Variants in CDIN1 observed in about 807,000 individuals in gnomAD.
The protein encoded by CDIN1 is CDAN1 interacting nuclease 1, also known as CDAN1-interacting nuclease 1.
A neutral mutation model predicts 45.3 loss-of-function variants in CDIN1; 33 were observed. That is an observed-to-expected ratio of 0.73 (90% CI 0.55 to 0.97). The LOEUF is 0.97. Ranked by LOEUF, CDIN1 falls within the 50% of genes least tolerant of loss-of-function variation. CDIN1 has a pLI of 0.00. For missense variants in CDIN1, 303 were observed against 339.4 expected, an observed-to-expected ratio of 0.89 and a Z score of 0.84; for synonymous variants, 118 against 124.4, an observed-to-expected ratio of 0.95 and a Z score of 0.34.
In CDIN1 at chr15:36,685,873, C is replaced by T. The variant is rs555782283; in HGVS notation, c.347-5812C>T. Reference sequence around the variant, plus strand: ...AACCACAATGAGATACCATCTCACACCAGTTAGAATGGCAATCATTAAAAA... The same window carrying T: ...AACCACAATGAGATACCATCTCACATCAGTTAGAATGGCAATCATTAAAAA... On this transcript the variant is annotated intron_variant, in intron 5 of 10. Transcript: ENST00000566621. Among the ~76,000 whole-genome samples the T allele has an allele frequency of 2.7e-3, 407 of 152,208 alleles. 2 individuals are homozygous for T. Among genetic ancestry groups the T allele is most frequent in the African/African-American group, 9.0e-3 (372 of 41,522 alleles).
rs549789650 is a variant in CDIN1 at position 36,735,399 on chromosome 15, G to A, written c.716+25438G>A. 4.6e-5 allele frequency among the ~76,000 whole-genome samples: 7 copies of A among 152,066 alleles called. 1 individual carries two copies. The East Asian group carries it at 1.4e-3, about 30-fold the overall frequency. ...ATTTCTAATTGGTAGACTATACTAAGACATTTTAAGTAAGGATTTCCCTAT... is the reference window on the plus strand; with the variant it reads ...ATTTCTAATTGGTAGACTATACTAAAACATTTTAAGTAAGGATTTCCCTAT... On this transcript the variant is annotated intron_variant, in intron 10 of 10. Transcript: ENST00000566621.
At chr15:36,648,782 G>A (rs1487076576) in intron 3 of CDIN1, 2 of 152,112 alleles carry the variant, frequency 1.3e-5, no homozygotes, top group Middle Eastern at 3.2e-3. Context: ...TGATGCATGA[G>A]TCTGCTTTTG....
chr15:36,697,968 T>C (rs2042496446), intron 8 of CDIN1, among the ~76,000 whole-genome samples: 1 of 152,180 alleles, frequency 6.6e-6, no homozygotes, highest in Non-Finnish European at 1.5e-5. Context: ...ACTATACATA[T>C]AATAAGTGAT....
chr15:36,769,423 C>T (rs1461815967), intron 10 of CDIN1, among the ~76,000 whole-genome samples: 7 of 152,164 alleles, frequency 4.6e-5, no homozygotes, highest in Non-Finnish European at 1.0e-4. Context: ...AGGCAGAATT[C>T]CTTCTTTTCT....
chr15:36,607,804 A>T (rs1002848341), intron 1 of CDIN1, among the ~76,000 whole-genome samples: 16 of 152,146 alleles, frequency 1.1e-4, no homozygotes, highest in Non-Finnish European at 2.1e-4. Flanking sequence ...ACCATTATCT[A>T]ATTACAGAAT....
At chr15:36,672,314 T>C (rs938549058) in intron 5 of CDIN1, among the ~76,000 whole-genome samples, 1 of 152,106 alleles carries the variant, frequency 6.6e-6, no homozygotes, top group Non-Finnish European at 1.5e-5. Context: ...TTTTTTATTG[T>C]AACATCAAAG....
intron 5 of CDIN1, among the ~76,000 whole-genome samples, chr15:36,660,850 A>G (rs2040983924): frequency 1.3e-5 from 2 of 152,212 alleles, no homozygotes; most frequent in Non-Finnish European, 2.9e-5. Context: ...GATTATTACT[A>G]CATAAAGCTG....
intron 10 of CDIN1, chr15:36,747,059 A>G (rs1285533492): frequency 5.0e-6 from 2 of 397,138 alleles, no homozygotes; most frequent in Admixed American, 4.4e-5. Flanking sequence ...AGGAATCTTT[A>G]TGAAATGTGT....
chr15:36,616,699 G>A (rs1267954831), intron 1 of CDIN1, among the ~76,000 whole-genome samples: 3 of 152,050 alleles, frequency 2.0e-5, no homozygotes, highest in Non-Finnish European at 4.4e-5. Flanking sequence ...CGGATCACAA[G>A]GTCAGGAGTT....
chr15:36,784,601 A>G (rs1379235167), intron 10 of CDIN1, among the ~76,000 whole-genome samples: 1 of 152,184 alleles, frequency 6.6e-6, no homozygotes, highest in Non-Finnish European at 1.5e-5. Flanking sequence ...CGAATAATCT[A>G]TCTTATTCTG....
At chr15:36,697,082 G>C (rs1048943202) in intron 7 of CDIN1, among the ~76,000 whole-genome samples, 1 of 151,438 alleles carries the variant, frequency 6.6e-6, no homozygotes, top group African/African-American at 2.4e-5. Flanking sequence ...CTATGATTGT[G>C]CCACTGCTCT....
chr15:36,646,013 G>A (rs2040313571), intron 3 of CDIN1, among the ~76,000 whole-genome samples: 1 of 152,092 alleles, frequency 6.6e-6, no homozygotes, highest in African/African-American at 2.4e-5. Flanking sequence ...TAATATGACT[G>A]AATAATTTAT....
intron 1 of CDIN1, among the ~76,000 whole-genome samples, chr15:36,641,018 A>T (rs958952931): frequency 2.6e-4 from 39 of 152,230 alleles, no homozygotes; most frequent in Admixed American, 2.2e-3. Context: ...AGGCACAGAC[A>T]GAGGAAAAAT....
chr15:36,636,424 C>T (rs567915505), intron 1 of CDIN1, among the ~76,000 whole-genome samples: 79 of 152,130 alleles, frequency 5.2e-4, no homozygotes, highest in African/African-American at 1.8e-3. Flanking sequence ...TGGTGGCAGG[C>T]GCCTGTAGTC....
intron 10 of CDIN1, among the ~76,000 whole-genome samples, chr15:36,795,958 A>T (rs2054784362): frequency 6.6e-6 from 1 of 152,220 alleles, no homozygotes; most frequent in Non-Finnish European, 1.5e-5. Flanking sequence ...TTATAAATTT[A>T]GGAAATTTTC....
intron 10 of CDIN1, among the ~76,000 whole-genome samples, chr15:36,784,800 C>T (rs568227822): frequency 6.6e-5 from 10 of 152,216 alleles, no homozygotes; most frequent in Middle Eastern, 3.4e-3. Flanking sequence ...CTCTTTGCTA[C>T]TTTTTCCTTC....
At chr15:36,647,861 AC>A (rs1197676461) in intron 3 of CDIN1, among the ~76,000 whole-genome samples, 2 of 135,488 alleles carry the variant, frequency 1.5e-5, no homozygotes, top group Non-Finnish European at 3.1e-5. Flanking sequence ...TTTTTTTGAG[AC>A]GGAGTCTCAC....
chr15:36,592,398 A>G (rs1016529139), intron 1 of CDIN1, among the ~76,000 whole-genome samples: 3 of 152,112 alleles, frequency 2.0e-5, no homozygotes, highest in Non-Finnish European at 4.4e-5. Flanking sequence ...ACCCCTCACT[A>G]CCAAAGGCAG....
chr15:36,680,712 A>G (rs978796407), intron 5 of CDIN1, among the ~76,000 whole-genome samples: 3 of 152,280 alleles, frequency 2.0e-5, no homozygotes, highest in East Asian at 3.9e-4. Context: ...AAAGGACTAG[A>G]AAAACTCTAC....
Sources: gnomAD v4.1 joint callset for allele counts (sites outside exome capture counted in the v4.1 genomes callset) on GRCh38, gnomAD v4.1.1 for gene constraint, MANE v1.5 for transcripts, NCBI Gene and HGNC (gene_info 2026-07-23, HGNC 2026-07-21) for gene names.